Variants in NF1 observed in about 807,000 individuals in gnomAD.
NF1 encodes neurofibromin.
Under a neutral mutation model 325.7 loss-of-function variants are expected in NF1, and 122 were observed. The ratio of observed to expected loss-of-function variants is 0.37; its 90% confidence interval spans 0.32 to 0.44. The LOEUF (loss-of-function observed/expected upper bound fraction) is 0.44, where lower values mean the gene tolerates loss of function less well. NF1 is among the 20% of genes least tolerant of loss of function. The pLI is 1.00. For synonymous variants in NF1, 1,091 were observed against 1,186.0 expected, an observed-to-expected ratio of 0.92 and a Z score of 1.65; for missense variants, 2,140 against 3,415.4, an observed-to-expected ratio of 0.63 and a Z score of 9.31.
intron 1 of NF1, among the ~76,000 whole-genome samples, chr17:31,110,414 A>C (rs1913295666): frequency 6.6e-6 from 1 of 152,164 alleles, no homozygotes; most frequent in African/African-American, 2.4e-5. Flanking sequence ...ATTTTACTAA[A>C]ACTGCAACAT....
At chr17:31,323,695 T>C (rs570023425) in intron 36 of NF1, among the ~76,000 whole-genome samples, 1 of 152,318 alleles carries the variant, frequency 6.6e-6, no homozygotes, top group East Asian at 1.9e-4. Context: ...TCAACACATC[T>C]AGTTACCTGT....
intron 36 of NF1, among the ~76,000 whole-genome samples, chr17:31,324,058 A>AT (rs1332599068): frequency 1.4e-4 from 21 of 151,860 alleles, no homozygotes; most frequent in South Asian, 1.2e-3. Context: ...AGTATGTGTG[A>AT]TTTTTTTGGT....
intron 47 of NF1, among the ~76,000 whole-genome samples, chr17:31,341,997 T>TA (rs1181416677): frequency 3.9e-5 from 6 of 152,148 alleles, no homozygotes; most frequent in Admixed American, 1.3e-4. Flanking sequence ...GTTTTAAGTG[T>TA]AAAAAGATAC....
intron 36 of NF1, among the ~76,000 whole-genome samples, chr17:31,270,137 ATGTGTATGTGTAGACT>A (rs2067864732): frequency 6.6e-6 from 1 of 152,218 alleles, no homozygotes; most frequent in Admixed American, 6.5e-5. Context: ...GCACCTGCAC[ATGTGTATGTGTAGACT>A]GAGAAATGTA....
In NF1 at chr17:31,102,993, G is replaced by A. The variant is rs1354125412; in HGVS notation, c.60+7624G>A. Among the ~76,000 whole-genome samples the A allele has an allele frequency of 2.6e-5, 4 of 151,392 alleles. No homozygotes were observed. The South Asian group carries it at 8.3e-4, about 32-fold the overall frequency. On this transcript the variant is annotated intron_variant, in intron 1 of 57. Transcript: ENST00000358273. ...CCCAAGTAGCTGGCATTACAGGCACGTACTACCACACCTGGCTAATTTTTG... is the reference window on the plus strand; with the variant it reads ...CCCAAGTAGCTGGCATTACAGGCACATACTACCACACCTGGCTAATTTTTG...
At chr17:31,362,400 T>C in intron 57 of NF1, 1 of 959,876 alleles carries the variant, frequency 1.0e-6, no homozygotes, top group Middle Eastern at 5.3e-4. Context: ...TTGTGTACAT[T>C]GGGGAGACTG....
At chr17:31,311,544 A>G (rs899810985) in intron 36 of NF1, among the ~76,000 whole-genome samples, 4 of 152,208 alleles carry the variant, frequency 2.6e-5, no homozygotes, top group Non-Finnish European at 4.4e-5. Context: ...CATCTTGAGG[A>G]AAAGTGGAAA....
At chr17:31,163,431 T>A (rs2143675282) in intron 4 of NF1, 55 bp downstream of exon 4, 30 of 1,572,342 alleles carry the variant, frequency 1.9e-5, no homozygotes, top group Non-Finnish European at 2.5e-5. Flanking sequence ...TTAGAAGTTT[T>A]GTTTTTTGTC....
rs534374613 is a variant in NF1 at position 31,166,054 on chromosome 17, A to G, written c.479+2678A>G. Reference sequence around the variant, plus strand: ...GAGTATACCATTTTCTGTGGCTTATAGTATTTATGTAGCGGAGTAACTGCT... The same window carrying G: ...GAGTATACCATTTTCTGTGGCTTATGGTATTTATGTAGCGGAGTAACTGCT... On this transcript the variant is annotated intron_variant, in intron 4 of 57. Transcript: ENST00000358273. Among the ~76,000 whole-genome samples, 3 of 152,230 alleles carry G rather than the reference A, an allele frequency of 2.0e-5. No individual in the cohort carries two copies. The South Asian group carries it at 6.2e-4, about 32-fold the overall frequency.
At chr17:31,150,955 A>AGG (rs1413790945) in intron 1 of NF1, among the ~76,000 whole-genome samples, 41 of 152,178 alleles carry the variant, frequency 2.7e-4, no homozygotes, top group Admixed American at 6.5e-4. Context: ...GAATCGCTTC[A>AGG]ACCTTGGAAG....
At chr17:31,197,983 C>T (rs1374809884) in intron 8 of NF1, among the ~76,000 whole-genome samples, 1 of 152,076 alleles carries the variant, frequency 6.6e-6, no homozygotes, top group Admixed American at 6.6e-5. Flanking sequence ...CCTTCTATTC[C>T]TAGCTTGAGT....
intron 16 of NF1, 66 bp downstream of exon 16, chr17:31,223,633 A>G (rs2144018364): frequency 2.0e-6 from 3 of 1,525,808 alleles, no homozygotes; most frequent in Non-Finnish European, 1.8e-6. Context: ...GAGATTACTA[A>G]AGTGTTTTAT....
chr17:31,343,004 A>C lies in NF1; in HGVS notation c.7063-5A>C. The C allele has an allele frequency of 6.2e-7, 1 of 1,614,102 alleles. No individual in the cohort carries two copies. Among genetic ancestry groups the C allele is most frequent in the Non-Finnish European group, 8.5e-7 (1 of 1,180,014 alleles). On this transcript the variant is annotated splice_region_variant and splice_polypyrimidine_tract_variant and intron_variant, in intron 47 of 57. Coordinates refer to ENST00000358273, the MANE Select transcript of NF1 (RefSeq NM_001042492.3). Reference sequence around the variant, plus strand: ...CATCAACCATCTCATGATTATCTTTAATAGAGTCCAGAGGAAGTATTTATG... The same window carrying C: ...CATCAACCATCTCATGATTATCTTTCATAGAGTCCAGAGGAAGTATTTATG...
chr17:31,200,810 G>C (rs1297138048), intron 9 of NF1, among the ~76,000 whole-genome samples: 1 of 152,138 alleles, frequency 6.6e-6, no homozygotes, highest in Non-Finnish European at 1.5e-5. Flanking sequence ...TAAATATACA[G>C]ACTTGGGTTT....
intron 1 of NF1, among the ~76,000 whole-genome samples, chr17:31,148,572 T>C (rs780884672): frequency 3.9e-5 from 6 of 152,118 alleles, no homozygotes; most frequent in African/African-American, 9.6e-5. Flanking sequence ...TGGACAGAAA[T>C]AGAAATATGT....
At chr17:31,236,606 ATT>A (rs60376313) in intron 29 of NF1, among the ~76,000 whole-genome samples, 17 of 138,912 alleles carry the variant, frequency 1.2e-4, no homozygotes, top group African/African-American at 3.4e-4. Context: ...CGCCCAGGTA[ATT>A]TTTTTTTTTT....
intron 12 of NF1, among the ~76,000 whole-genome samples, chr17:31,211,232 A>G (rs771183373): frequency 5.3e-5 from 8 of 152,244 alleles, no homozygotes; most frequent in Non-Finnish European, 8.8e-5. Context: ...CCTGCAATAT[A>G]GAAGATCAAC....
At chr17:31,370,082 T>C (rs945571539) in intron 57 of NF1, among the ~76,000 whole-genome samples, 8 of 152,204 alleles carry the variant, frequency 5.3e-5, no homozygotes, top group Admixed American at 3.9e-4. Context: ...TGCTGTGAAG[T>C]TGAACTTAGG....
chr17:31,279,077 A>G (rs1450561172), intron 36 of NF1, among the ~76,000 whole-genome samples: 1 of 152,014 alleles, frequency 6.6e-6, no homozygotes, highest in Non-Finnish European at 1.5e-5. Flanking sequence ...TGTCTCTACA[A>G]AGTACATTTA....
Sources: gnomAD v4.1 joint callset for allele counts (sites outside exome capture counted in the v4.1 genomes callset) on GRCh38, gnomAD v4.1.1 for gene constraint, MANE v1.5 for transcripts, NCBI Gene and HGNC (gene_info 2026-07-23, HGNC 2026-07-21) for gene names.